PYY: variants seen among roughly 807,000 people sequenced by gnomAD.
PYY encodes peptide tyrosine tyrosine.
PYY carries 12 observed loss-of-function variants against 10.3 expected under a neutral mutation model. The observed-to-expected ratio is 1.17, with a 90% confidence interval of 0.75 to 1.89. The LOEUF (loss-of-function observed/expected upper bound fraction) is 1.89. PYY is among the 40% of genes most tolerant of loss of function. The pLI, the probability that PYY is intolerant of heterozygous loss-of-function variation, is 0.00. For synonymous variants in PYY, 66 were observed against 62.0 expected (o/e 1.06, Z -0.30); for missense variants, 141 against 134.0 (o/e 1.05, Z -0.26).
chr17:44,001,014 C>T (rs1479063926), intron 1 of PYY, among the ~76,000 whole-genome samples: 3 of 152,076 alleles, frequency 2.0e-5, no homozygotes, highest in Non-Finnish European at 2.9e-5. Flanking sequence ...TCTCTTTGTA[C>T]ACCCGTGTGT....
At chr17:43,978,186 TGAAAGAAAGAAGAAAGGAAAGAAG>T in intron 1 of PYY, among the ~76,000 whole-genome samples, 1 of 127,968 alleles carries the variant, frequency 7.8e-6, no homozygotes, top group South Asian at 2.4e-4. Context: ...AGCAAGACCC[TGAAAGAAAGAAGAAAGGAAAGAAG>T]GAAAGAAAGA....
At chr17:43,962,468 C>T (rs1041226515) in intron 2 of PYY, among the ~76,000 whole-genome samples, 1 of 88,242 alleles carries the variant, frequency 1.1e-5, no homozygotes, top group Non-Finnish European at 2.6e-5. Flanking sequence ...TGTGAGAATG[C>T]TTAAGATCTA....
upstream of PYY, among the ~76,000 whole-genome samples, chr17:43,957,734 C>T (rs564471209): frequency 2.4e-4 from 37 of 152,140 alleles, no homozygotes; most frequent in South Asian, 1.5e-3. Flanking sequence ...AAATCAGAGC[C>T]GGGTGTAGTG....
intron 1 of PYY, among the ~76,000 whole-genome samples, chr17:44,002,138 CA>C (rs1259010277): frequency 2.0e-5 from 3 of 152,156 alleles, no homozygotes; most frequent in African/African-American, 4.8e-5. Flanking sequence ...AGTGGGAAAA[CA>C]AAAAAACTCA....
At chr17:44,004,215 C>T (rs1481583137) in intron 1 of PYY, among the ~76,000 whole-genome samples, 1 of 151,214 alleles carries the variant, frequency 6.6e-6, no homozygotes, top group Admixed American at 6.6e-5. Flanking sequence ...ACAGACAAGG[C>T]CAGCACCACC....
chr17:43,983,374 G>C (rs2048895418), intron 1 of PYY, among the ~76,000 whole-genome samples: 1 of 152,348 alleles, frequency 6.6e-6, no homozygotes, highest in South Asian at 2.1e-4. Context: ...CCCTCCAGTG[G>C]CTCTCCTACC....
At chr17:43,986,293 G>A (rs1439798257) in intron 1 of PYY, among the ~76,000 whole-genome samples, 2 of 152,148 alleles carry the variant, frequency 1.3e-5, no homozygotes, top group African/African-American at 4.8e-5. Context: ...GAGAGAGAGG[G>A]TGAGCGTCTA....
intron 1 of PYY, among the ~76,000 whole-genome samples, chr17:43,996,113 C>T (rs1286880156): frequency 6.6e-6 from 1 of 152,136 alleles, no homozygotes; most frequent in Non-Finnish European, 1.5e-5. Context: ...AGTAATGCTA[C>T]AGGACTGCTA....
At chr17:43,960,291 C>G (rs1371151490) in intron 2 of PYY, among the ~76,000 whole-genome samples, 1 of 152,064 alleles carries the variant, frequency 6.6e-6, no homozygotes, top group African/African-American at 2.4e-5. Flanking sequence ...ACCTGTAATC[C>G]CAGCACTTTG....
chr17:44,001,442 C>G (rs577984962), intron 1 of PYY, among the ~76,000 whole-genome samples: 1 of 152,264 alleles, frequency 6.6e-6, no homozygotes, highest in East Asian at 1.9e-4. Context: ...AACAATGATC[C>G]TGTAGGCCTT....
intron 1 of PYY, among the ~76,000 whole-genome samples, chr17:43,977,650 C>T (rs2048857749): frequency 1.3e-5 from 2 of 152,128 alleles, no homozygotes; most frequent in South Asian, 2.1e-4. Context: ...CAGCCCAGTT[C>T]TGGGGTCCCT....
chr17:43,974,273 AAG>A (rs2143924172), intron 1 of PYY, among the ~76,000 whole-genome samples: 1 of 151,874 alleles, frequency 6.6e-6, no homozygotes, highest in East Asian at 1.9e-4. Flanking sequence ...GTGCAAGCAG[AAG>A]AGAAGCAACA....
At chr17:43,995,922 A>G (rs1053699404) in intron 1 of PYY, among the ~76,000 whole-genome samples, 3 of 151,994 alleles carry the variant, frequency 2.0e-5, no homozygotes, top group African/African-American at 7.2e-5. Context: ...TGGGAGGCCA[A>G]GGCAGTTGGA....
chr17:43,994,841 G>C (rs996246984), intron 1 of PYY, among the ~76,000 whole-genome samples: 31 of 152,212 alleles, frequency 2.0e-4, no homozygotes, highest in Non-Finnish European at 1.0e-4. Context: ...CCCAACGAAC[G>C]GGAGGGCGCT....
chr17:44,004,445 T>C (rs2049055689), exon 1 of PYY: 4 of 413,136 alleles, frequency 9.7e-6, no homozygotes, highest in Admixed American at 8.9e-5. Flanking sequence ...CCATGACCGA[T>C]AGTGGGTTCA....
At chr17:43,953,570 G>A (rs2048650770) in intron 1 of PYY, 87 bp from the exon 2 acceptor site, 2 of 1,288,026 alleles carry the variant, frequency 1.6e-6, no homozygotes, top group Non-Finnish European at 2.1e-6. Flanking sequence ...GCCGCGCTCC[G>A]ACGCTCTCCC....
intron 1 of PYY, among the ~76,000 whole-genome samples, chr17:43,988,265 T>G (rs1376609985): frequency 6.6e-6 from 1 of 152,112 alleles, no homozygotes; most frequent in Non-Finnish European, 1.5e-5. Flanking sequence ...AATTGAACTG[T>G]GGAAAACAGG....
chr17:43,973,062 C>T (rs2048805972), intron 1 of PYY, among the ~76,000 whole-genome samples: 1 of 152,130 alleles, frequency 6.6e-6, no homozygotes, highest in East Asian at 1.9e-4. Context: ...TGGTCTCAAA[C>T]TCCTGGCCTC....
chr17:43,984,240 T>C (rs1486304514), intron 1 of PYY, among the ~76,000 whole-genome samples: 1 of 152,180 alleles, frequency 6.6e-6, no homozygotes, highest in Non-Finnish European at 1.5e-5. Flanking sequence ...GCGGCCGGGA[T>C]GTGGCCTCGG....
Sources: gnomAD v4.1 joint callset for allele counts (sites outside exome capture counted in the v4.1 genomes callset) on GRCh38, gnomAD v4.1.1 for gene constraint, MANE v1.5 for transcripts, NCBI Gene and HGNC (gene_info 2026-07-23, HGNC 2026-07-21) for gene names.